NDUFA8: variants seen among roughly 807,000 people sequenced by gnomAD.
NDUFA8 encodes NADH:ubiquinone oxidoreductase subunit A8, also known as NADH dehydrogenase [ubiquinone] 1 alpha subcomplex subunit 8.
NDUFA8 carries 16 observed loss-of-function variants against 20.9 expected under a neutral mutation model. That is an observed-to-expected ratio of 0.77 (90% CI 0.52 to 1.16). NDUFA8 has a LOEUF of 1.16. Among genes scored for constraint, NDUFA8 ranks in the 50% most tolerant of loss-of-function variants. The probability of loss-of-function intolerance (pLI) is 0.00; values close to 1 mark genes in which losing one functional copy is unlikely to be tolerated. For synonymous variants in NDUFA8, 70 were observed against 76.1 expected, an observed-to-expected ratio of 0.92 and a Z score of 0.41; for missense variants, 202 against 216.4, an observed-to-expected ratio of 0.93 and a Z score of 0.42.
At chr9:122,149,295 C>A (rs559142874) in intron 2 of NDUFA8, among the ~76,000 whole-genome samples, 1 of 152,190 alleles carries the variant, frequency 6.6e-6, no homozygotes, top group South Asian at 2.1e-4. Context: ...TCCTAGAGGT[C>A]CACCAATGTC....
At chr9:122,142,509 A>G (rs1310211676), downstream of NDUFA8, among the ~76,000 whole-genome samples, 6 of 152,210 alleles carry the variant, frequency 3.9e-5, no homozygotes, top group Admixed American at 3.9e-4. Flanking sequence ...ATGTGCACTC[A>G]AAGCTGAGAA....
At chr9:122,152,645 T>A (rs1725326143) in intron 1 of NDUFA8, among the ~76,000 whole-genome samples, 1 of 151,014 alleles carries the variant, frequency 6.6e-6, no homozygotes, top group Admixed American at 6.6e-5. Context: ...AACTTCGGCC[T>A]CCGAGGCTCA....
downstream of NDUFA8, among the ~76,000 whole-genome samples, chr9:122,143,801 C>T (rs1828857797): frequency 6.6e-6 from 1 of 152,172 alleles, no homozygotes; most frequent in African/African-American, 2.4e-5. Flanking sequence ...ATCTATTTGC[C>T]TAAGACGTTG....
the NDUFA8 span, chr9:122,132,958 C>CCTCG: frequency 2.2e-6 from 1 of 456,076 alleles, no homozygotes; most frequent in South Asian, 1.5e-5. Context: ...TCTCTCCAGT[C>CCTCG]CTTGGGAAAG....
chr9:122,138,862 A>AGGAGGG, the NDUFA8 span, among the ~76,000 whole-genome samples: 1 of 16,886 alleles, frequency 5.9e-5, no homozygotes, highest in Non-Finnish European at 1.3e-4. Flanking sequence ...CACCAAGAAG[A>AGGAGGG]GGTGGGGGGG....
downstream of NDUFA8, among the ~76,000 whole-genome samples, chr9:122,141,501 GAA>G (rs1828820837): frequency 6.6e-6 from 1 of 152,200 alleles, no homozygotes; most frequent in Admixed American, 6.5e-5. Context: ...GGAGTAAACC[GAA>G]GAGTCAAAGA....
chr9:122,141,963 T>G (rs183255141), downstream of NDUFA8, among the ~76,000 whole-genome samples: 26 of 152,272 alleles, frequency 1.7e-4, no homozygotes, highest in Non-Finnish European at 2.9e-5. Flanking sequence ...ATCCTAGAAT[T>G]GAATTTGAAA....
At position 122,144,238 on chromosome 9, in the gene NDUFA8, T is replaced by C. The variant is rs771407091; in HGVS notation, c.*3A>G. 3.7e-6 allele frequency: 6 copies of C among 1,613,728 alleles called. No individual in the cohort carries two copies. Among genetic ancestry groups the C allele is most frequent in the Non-Finnish European group, 5.1e-6 (6 of 1,180,010 alleles). On this transcript the variant is annotated 3_prime_UTR_variant, in exon 4 of 4. Transcript: ENST00000373768. Reference sequence around the variant, plus strand: ...TGACCGAGTGTGGGCCACGGACCCATCTTTACTTGGTCCAGAAATAAAAGC... The same window carrying C: ...TGACCGAGTGTGGGCCACGGACCCACCTTTACTTGGTCCAGAAATAAAAGC...
chr9:122,144,192 A>G lies in NDUFA8; in HGVS notation c.*49T>C, dbSNP rs1298202144. 8.1e-6 allele frequency: 13 copies of G among 1,612,406 alleles called. No homozygotes were observed. The highest frequency in any genetic ancestry group is 2.2e-5 in the East Asian group (1 of 44,890). On this transcript the variant is annotated 3_prime_UTR_variant, in exon 4 of 4. Transcript: ENST00000373768. ...CGATGCAAACCGCATGGGCGTTTTC[A>G]TCAGTCGTTGTCTGAGCACATGACC... is the stretch of plus-strand genomic sequence containing the variant.
intron 2 of NDUFA8, among the ~76,000 whole-genome samples, chr9:122,149,116 A>C (rs1184005056): frequency 6.6e-6 from 1 of 152,204 alleles, no homozygotes; most frequent in Non-Finnish European, 1.5e-5. Context: ...CAATGAAATA[A>C]TAATTTTATT....
downstream of NDUFA8, among the ~76,000 whole-genome samples, chr9:122,141,129 A>T (rs971383087): frequency 5.9e-5 from 9 of 152,216 alleles, no homozygotes; most frequent in African/African-American, 2.2e-4. Context: ...AGATCTAAAA[A>T]TTCTTGATGA....
the NDUFA8 span, among the ~76,000 whole-genome samples, chr9:122,134,248 C>T: frequency 6.6e-6 from 1 of 152,186 alleles, no homozygotes; most frequent in African/African-American, 2.4e-5. Flanking sequence ...AAGTGTCAAG[C>T]ATTTCCGCAT....
In NDUFA8 at chr9:122,158,695, G is replaced by GTA. The variant is rs749512142; in HGVS notation, c.51+931_51+932insTA. Among the ~76,000 whole-genome samples, 82 of 148,030 alleles carry GTA rather than the reference G, an allele frequency of 5.5e-4. 1 individual carries two copies. The highest frequency in any genetic ancestry group is 7.5e-4 in the Admixed American group (11 of 14,750). ...TATATATATATGACCAATTGTGTGT[G>GTA]TGTATATATATATGGTATATACATA... On this transcript the variant is annotated intron_variant, in intron 1 of 3. Transcript: ENST00000373768.
At chr9:122,151,611 G>T (rs1178559963) in intron 2 of NDUFA8, among the ~76,000 whole-genome samples, 1 of 152,222 alleles carries the variant, frequency 6.6e-6, no homozygotes, top group African/African-American at 2.4e-5. Flanking sequence ...GAGGCAAAAA[G>T]ACATCAAGTA....
At chr9:122,154,536 C>T (rs1170555263) in intron 1 of NDUFA8, among the ~76,000 whole-genome samples, 1 of 152,184 alleles carries the variant, frequency 6.6e-6, no homozygotes, top group African/African-American at 2.4e-5. Context: ...ACTGTATTTT[C>T]TCTCCAGCCA....
chr9:122,152,624 C>T (rs954741660), intron 1 of NDUFA8, among the ~76,000 whole-genome samples: 5 of 150,190 alleles, frequency 3.3e-5, no homozygotes, highest in Admixed American at 6.6e-5. Context: ...GGCGCGATCT[C>T]GGCTTACTGC....
At chr9:122,139,865 T>C (rs1828797081), downstream of NDUFA8, among the ~76,000 whole-genome samples, 1 of 152,182 alleles carries the variant, frequency 6.6e-6, no homozygotes, top group East Asian at 1.9e-4. Context: ...AGCTAATTTT[T>C]GTATTTTTAG....
intron 1 of NDUFA8, among the ~76,000 whole-genome samples, chr9:122,154,470 T>C (rs925857699): frequency 2.6e-5 from 4 of 152,256 alleles, no homozygotes; most frequent in Admixed American, 1.3e-4. Flanking sequence ...TTTGATACTA[T>C]CTAAATAGGA....
At chr9:122,138,955 G>A in the NDUFA8 span, among the ~76,000 whole-genome samples, 1 of 151,994 alleles carries the variant, frequency 6.6e-6, no homozygotes, top group African/African-American at 2.4e-5. Flanking sequence ...GACAGTAGTG[G>A]GAGATGAAGC....
Sources: allele counts gnomAD v4.1 joint callset (sites outside exome capture counted in the v4.1 genomes callset), GRCh38; gene constraint gnomAD v4.1.1; transcripts MANE v1.5; gene names NCBI Gene and HGNC (gene_info 2026-07-23, HGNC 2026-07-21).